The following PI4K2B variants were observed in gnomAD, a reference collection of about 807,000 sequenced individuals.
The protein encoded by PI4K2B is phosphatidylinositol 4-kinase type 2-beta.
A neutral mutation model predicts 56.6 loss-of-function variants in PI4K2B; 46 were observed. The ratio of observed to expected loss-of-function variants is 0.81; its 90% CI spans 0.64 to 1.04. The LOEUF is 1.04. PI4K2B is among the 50% of genes least tolerant of loss of function. The probability of loss-of-function intolerance (pLI) is 0.00; values close to 1 mark genes in which losing one functional copy is unlikely to be tolerated. For missense variants in PI4K2B, 556 were observed against 607.7 expected (o/e 0.91, Z 0.89); for synonymous variants, 211 against 223.8 (o/e 0.94, Z 0.51).
At chr4:25,246,677 G>A (rs1000484545) in intron 1 of PI4K2B, among the ~76,000 whole-genome samples, 2 of 152,224 alleles carry the variant, frequency 1.3e-5, no homozygotes, top group Non-Finnish European at 2.9e-5. Flanking sequence ...AGCAGAGGGT[G>A]GTGCTTGTTG....
chr4:25,252,376 T>C lies in PI4K2B; in HGVS notation c.324T>C (p.Asp108=), dbSNP rs745665116. The change falls in exon 2 of 10, where the codon GAT becomes GAC. Residue 108 remains aspartate, a synonymous_variant. Coordinates refer to ENST00000264864, the MANE Select transcript of PI4K2B (RefSeq NM_018323.4). ...TCTTGGATGACCCAGAATTTGCCGA[T>C]ATTATGCTGAGAGCAGAGCAAGCAA... ...NAFLDDPEFA[D]IMLRAEQAIE... 59 of 1,607,734 alleles carry C rather than the reference T, an allele frequency of 3.7e-5. No individual in the cohort carries two copies. The Admixed American group carries it at 8.5e-4, about 23-fold the overall frequency.
rs1716213574 is a variant in PI4K2B, at chr4:25,255,171, G to A, written c.530G>A (p.Arg177Gln). 9 of 1,613,984 alleles carry A rather than the reference G, an allele frequency of 5.6e-6. No homozygotes were observed. The highest frequency in any genetic ancestry group is 4.0e-5 in the African/African-American group (3 of 74,912). The part of the protein sequence containing the change: ...HKVCCPCCFG[R>Q]GCLIPNQGYL... Reference sequence around the variant, plus strand: ...GTCTGCTGCCCTTGCTGCTTTGGCCGAGGCTGCCTGATTCCTAATCAGGGG... The same window carrying A: ...GTCTGCTGCCCTTGCTGCTTTGGCCAAGGCTGCCTGATTCCTAATCAGGGG... The change falls in exon 3 of 10, where the codon CGA becomes CAA. Residue 177 changes from arginine to glutamine, a missense_variant. Coordinates refer to ENST00000264864, the MANE Select transcript of PI4K2B (RefSeq NM_018323.4).
At chr4:25,255,321 T>C in intron 3 of PI4K2B, 56 bp downstream of exon 3, 1 of 1,403,966 alleles carries the variant, frequency 7.1e-7, no homozygotes, top group Non-Finnish European at 1.0e-6. Flanking sequence ...TGCTTATATC[T>C]GAATATTTCA....
At chr4:25,269,255 A>T in intron 9 of PI4K2B, 52 bp downstream of exon 9, 9 of 977,520 alleles carry the variant, frequency 9.2e-6, no homozygotes, top group Non-Finnish European at 1.5e-5. Flanking sequence ...TTGAAACAGT[A>T]GTCAACTGTT....
chr4:25,254,048 C>T (rs756219361), intron 2 of PI4K2B, among the ~76,000 whole-genome samples: 10 of 152,226 alleles, frequency 6.6e-5, no homozygotes, highest in Non-Finnish European at 1.5e-4. Context: ...GTGTGAGCCA[C>T]AGCGCCTGGC....
At chr4:25,276,544 C>A in intron 9 of PI4K2B, 1 of 574,784 alleles carries the variant, frequency 1.7e-6, no homozygotes, top group Non-Finnish European at 2.2e-6. Flanking sequence ...GTTTTTTTAA[C>A]TATTGTATCC....
Position 25,259,207 on chromosome 4 carries a change from A to G in PI4K2B, c.910+17A>G. 6.9e-7 allele frequency: 1 copy of G among 1,458,662 alleles called. No homozygotes were observed. The highest frequency in any genetic ancestry group is 1.2e-5 in the South Asian group (1 of 82,008). The allele number at this position is 1,458,662 out of a possible 1,614,324, so 90.4% of individuals were successfully genotyped here. On this transcript the variant is annotated intron_variant, in intron 5 of 9. Transcript: ENST00000264864. The stretch of plus-strand genomic sequence containing the variant: ...GAAATACAGGTATTGAAGTTCTCTC[A>G]TTTGTTCACGTAAATCTTGTTCATT...
rs1717212497 is a variant in PI4K2B, at chr4:25,279,139, C to A, written c.*1952C>A. 2 of 149,322 alleles carry A rather than the reference C, an allele frequency of 1.3e-5. No homozygotes were observed. 9.2% of individuals were successfully genotyped at this position (149,322 alleles called of 1,614,324 possible). A position where few individuals can be genotyped will look rare whatever the true frequency, so the allele number is the denominator to read the frequency against. ...TTGGAATATTTAGAATGTTTATGAA[C>A]ACATTTACTATAAATGATGCCAAAC... is the stretch of plus-strand genomic sequence containing the variant. On this transcript the variant is annotated 3_prime_UTR_variant, in exon 10 of 10. Transcript: ENST00000264864.
rs533741770 is a variant in PI4K2B, at chr4:25,242,733, C to A, written c.268+8302C>A. Among the ~76,000 whole-genome samples, 230 of 152,250 alleles carry A rather than the reference C, an allele frequency of 1.5e-3. No individual in the cohort carries two copies. In the South Asian group the frequency reaches 0.018, roughly 12 times the overall value. On this transcript the variant is annotated intron_variant, in intron 1 of 9. Transcript: ENST00000264864. ...ATCCTTTATGAGTTTTAGGCCTTAC[C>A]AGATATTGCCTTTGGTAAGGAAAAG...
chr4:25,239,498 G>A (rs1413695149), intron 1 of PI4K2B, among the ~76,000 whole-genome samples: 1 of 67,570 alleles, frequency 1.5e-5, no homozygotes, highest in Non-Finnish European at 5.5e-5. Context: ...CACTGCCCGG[G>A]GCCGGTGGGG....
intron 9 of PI4K2B, among the ~76,000 whole-genome samples, chr4:25,274,477 T>C (rs1458138047): frequency 2.0e-5 from 3 of 152,292 alleles, no homozygotes; most frequent in East Asian, 1.9e-4. Context: ...AGGTGGTATG[T>C]TGGGGAGAGG....
intron 6 of PI4K2B, 40 bp downstream of exon 6, chr4:25,260,631 TATATATATATACACACAC>T (rs761548765): frequency 1.4e-5 from 3 of 213,934 alleles, no homozygotes; most frequent in Non-Finnish European, 2.5e-5. Flanking sequence ...TATATATATA[TATATATATATACACACAC>T]ACACACACAC....
chr4:25,276,818 C>T (rs73806641), intron 9 of PI4K2B, 196 bp from the exon 10 acceptor site: 433 of 767,532 alleles, frequency 5.6e-4, no homozygotes, highest in Non-Finnish European at 5.6e-4. Flanking sequence ...TGTGTGTGTG[C>T]GCGTGTGTGT....
chr4:25,254,416 C>CT, intron 2 of PI4K2B: 1 of 808,500 alleles, frequency 1.2e-6, no homozygotes, highest in Non-Finnish European at 1.5e-6. Context: ...GAAAGTCTTT[C>CT]CTTTTTTTTT....
chr4:25,256,044 G>T (rs752940372), intron 3 of PI4K2B, among the ~76,000 whole-genome samples: 16 of 152,150 alleles, frequency 1.1e-4, no homozygotes, highest in Non-Finnish European at 2.1e-4. Context: ...TCAGCCTCCT[G>T]AGTAGCTTGT....
At position 25,266,315 on chromosome 4, in the gene PI4K2B, C is replaced by T. The variant is rs1026496720; in HGVS notation, c.1079-2128C>T. On this transcript the variant is annotated intron_variant, in intron 7 of 9. Coordinates refer to ENST00000264864, the MANE Select transcript of PI4K2B (RefSeq NM_018323.4). ...TCAAGTAGCTGAGACTACAGGCACACGCCATCACACTCAGCTAATCTACTT... is the reference window on the plus strand; with the variant it reads ...TCAAGTAGCTGAGACTACAGGCACATGCCATCACACTCAGCTAATCTACTT... Among the ~76,000 whole-genome samples, 131 of 152,178 alleles carry T rather than the reference C, an allele frequency of 8.6e-4. 1 individual carries two copies. The highest frequency in any genetic ancestry group is 7.1e-3 in the Admixed American group (109 of 15,280).
At chr4:25,260,865 C>A (rs1716447092) in intron 6 of PI4K2B, among the ~76,000 whole-genome samples, 1 of 109,912 alleles carries the variant, frequency 9.1e-6, no homozygotes, top group African/African-American at 3.5e-5. Flanking sequence ...TTTCTTGATT[C>A]TTGATTTTTT....
intron 5 of PI4K2B, among the ~76,000 whole-genome samples, chr4:25,259,667 T>C (rs1716386777): frequency 6.7e-6 from 1 of 149,448 alleles, no homozygotes. Context: ...GGGCCACACA[T>C]AAAAACAGTA....
At chr4:25,248,614 A>G (rs1026962751) in intron 1 of PI4K2B, among the ~76,000 whole-genome samples, 1 of 150,112 alleles carries the variant, frequency 6.7e-6, no homozygotes, top group East Asian at 1.9e-4. Context: ...TTTTTTTTAC[A>G]TTAAATGTTT....
Sources: allele counts gnomAD v4.1 joint callset (sites outside exome capture counted in the v4.1 genomes callset), GRCh38; gene constraint gnomAD v4.1.1; transcripts MANE v1.5; gene names NCBI Gene and HGNC (gene_info 2026-07-23, HGNC 2026-07-21).